Variants in NCBP2L observed in about 807,000 individuals in gnomAD.
The protein encoded by NCBP2L is nuclear cap binding protein subunit 2 like, also known as nuclear cap-binding protein subunit 2-like.
For missense variants in NCBP2L, 95 were observed against 53.1 expected (o/e 1.79, Z -2.45); for synonymous variants, 39 against 19.2 (o/e 2.04, Z -2.70).
rs1452296006 is a variant in NCBP2L at position 107,780,733 on chromosome X, G to A, written c.-73+2875G>A. On this transcript the variant is annotated intron_variant, in intron 1 of 1. Transcript: ENST00000509000. Reference sequence around the variant, plus strand: ...CAACCTCTGCCTCCCGGGTTCGAGCGATTCTTGTGCTTCAGCCTCCCGAGT... The same window carrying A: ...CAACCTCTGCCTCCCGGGTTCGAGCAATTCTTGTGCTTCAGCCTCCCGAGT... 2.8e-5 allele frequency among the ~76,000 whole-genome samples: 3 copies of A among 106,231 alleles called. 1 individual carries two copies. Among genetic ancestry groups the A allele is most frequent in the South Asian group, 4.3e-4 (1 of 2,306 alleles). 92.2% of individuals were successfully genotyped at this position (106,231 alleles called of 115,157 possible). A position where few individuals can be genotyped will look rare whatever the true frequency, so the allele number is the denominator to read the frequency against.
intron 1 of NCBP2L, among the ~76,000 whole-genome samples, chrX:107,787,619 C>T (rs1324783060): frequency 8.9e-6 from 1 of 112,085 alleles, no homozygotes; most frequent in Non-Finnish European, 1.9e-5. Context: ...ACTCTGAGCA[C>T]TAGGCAGTCT....
chrX:107,778,013 T>TGTC (rs200147129), intron 1 of NCBP2L, among the ~76,000 whole-genome samples, 155 bp downstream of exon 1: 1,119 of 93,866 alleles, frequency 0.012, 14 homozygotes, highest in African/African-American at 0.043. Flanking sequence ...TCTTCTTCGC[T>TGTC]TTTTTTTTTT....
chrX:107,785,040 A>AAG (rs1930379700), intron 1 of NCBP2L, among the ~76,000 whole-genome samples: 1 of 103,557 alleles, frequency 9.7e-6, no homozygotes, highest in African/African-American at 3.8e-5. Context: ...AAGGAAGGAA[A>AAG]GAAAGAAAGA....
At chrX:107,783,957 T>C (rs926407711) in intron 1 of NCBP2L, among the ~76,000 whole-genome samples, 1 of 109,116 alleles carries the variant, frequency 9.2e-6, no homozygotes. Flanking sequence ...TGTCATGGAA[T>C]GAAGCACAGA....
At position 107,778,467 on chromosome X, in the gene NCBP2L, A is replaced by G. The variant is rs138083387; in HGVS notation, c.-73+609A>G. Among the ~76,000 whole-genome samples, 1,127 of 112,780 alleles carry G rather than the reference A, an allele frequency of 1.0e-2. 16 individuals carry two copies. The highest frequency in any genetic ancestry group is 0.035 in the African/African-American group (1,083 of 31,019). On this transcript the variant is annotated intron_variant, in intron 1 of 1. Transcript: ENST00000509000. ...AATATAATTGAGATATAAAAAAACTACATAGTTCAGAGATAGAGTTCAGGA... is the reference window on the plus strand; with the variant it reads ...AATATAATTGAGATATAAAAAAACTGCATAGTTCAGAGATAGAGTTCAGGA...
At chrX:107,779,726 C>G (rs1252875307) in intron 1 of NCBP2L, among the ~76,000 whole-genome samples, 1 of 99,600 alleles carries the variant, frequency 1.0e-5, no homozygotes, top group East Asian at 3.2e-4. Context: ...CCGTGCCCAG[C>G]CTATCCCCTG....
rs759600370 is a variant in NCBP2L, at chrX:107,781,690, C to A, written c.-73+3832C>A. 7.4e-3 allele frequency among the ~76,000 whole-genome samples: 552 copies of A among 74,208 alleles called. 4 individuals carry two copies. Among genetic ancestry groups the A allele is most frequent in the South Asian group, 0.018 (30 of 1,693 alleles). 64.4% of individuals were successfully genotyped at this position (74,208 alleles called of 115,157 possible). A position where few individuals can be genotyped will look rare whatever the true frequency, so the allele number is the denominator to read the frequency against. ...TCTATCTATCTATCTCTCTCTCTCTCTCTATATATATATATATATAGATCT... is the reference window on the plus strand; with the variant it reads ...TCTATCTATCTATCTCTCTCTCTCTATCTATATATATATATATATAGATCT... On this transcript the variant is annotated intron_variant, in intron 1 of 1. Coordinates refer to ENST00000509000, the MANE Select transcript of NCBP2L (RefSeq NM_001348372.2).
chrX:107,781,794 ATATT>A (rs1279734862), intron 1 of NCBP2L, among the ~76,000 whole-genome samples: 2 of 98,842 alleles, frequency 2.0e-5, no homozygotes, highest in South Asian at 4.4e-4. Context: ...ATAGATATCT[ATATT>A]TATATATAGA....
intron 1 of NCBP2L, among the ~76,000 whole-genome samples, chrX:107,783,048 A>C (rs1363223850): frequency 9.1e-6 from 1 of 109,814 alleles, no homozygotes; most frequent in Non-Finnish European, 1.9e-5. Context: ...ATAAAAACTC[A>C]TTTTTATCTA....
intron 1 of NCBP2L, among the ~76,000 whole-genome samples, chrX:107,781,692 C>CTCTCTCTCTCTATATATATATATA (rs1395038482): frequency 1.9e-4 from 13 of 66,919 alleles, no homozygotes; most frequent in Non-Finnish European, 2.3e-4. Context: ...CTCTCTCTCT[C>CTCTCTCTCTCTATATATATATATA]TATATATATA....
chrX:107,788,162 A>T (rs1411252408), intron 1 of NCBP2L, among the ~76,000 whole-genome samples: 3 of 111,573 alleles, frequency 2.7e-5, no homozygotes, highest in African/African-American at 9.8e-5. Context: ...GTGTTTACAG[A>T]TCAACTTGGT....
At chrX:107,793,296 A>G (rs925003073) in intron 1 of NCBP2L, among the ~76,000 whole-genome samples, 3 of 111,432 alleles carry the variant, frequency 2.7e-5, no homozygotes, top group Non-Finnish European at 5.7e-5. Flanking sequence ...GTGGGCTGCA[A>G]GAATCTGTAT....
chrX:107,782,236 AATAT>A (rs1277066611), intron 1 of NCBP2L, among the ~76,000 whole-genome samples: 20 of 7,366 alleles, frequency 2.7e-3, no homozygotes, highest in East Asian at 9.2e-3. Flanking sequence ...TATATATATA[AATAT>A]ATATATATAA....
intron 1 of NCBP2L, among the ~76,000 whole-genome samples, chrX:107,792,526 C>T (rs1482932308): frequency 8.9e-6 from 1 of 111,761 alleles, no homozygotes; most frequent in Non-Finnish European, 1.9e-5. Flanking sequence ...TAAATAGGGA[C>T]TCCCATTTTC....
At chrX:107,782,249 A>G (rs1930315497) in intron 1 of NCBP2L, among the ~76,000 whole-genome samples, 1 of 8,649 alleles carries the variant, frequency 1.2e-4, no homozygotes, top group South Asian at 6.7e-3. Flanking sequence ...ATATATATAT[A>G]AATATATATA....
chrX:107,782,709 G>C (rs1043620472), intron 1 of NCBP2L, among the ~76,000 whole-genome samples: 1 of 107,056 alleles, frequency 9.3e-6, no homozygotes, highest in Non-Finnish European at 1.9e-5. Context: ...AGATCATGTA[G>C]TGTTTTTTTT....
chrX:107,779,579 C>A (rs771572654), intron 1 of NCBP2L, among the ~76,000 whole-genome samples: 1 of 110,752 alleles, frequency 9.0e-6, no homozygotes, highest in Non-Finnish European at 1.9e-5. Context: ...CGGGCATGTG[C>A]CACCACACAG....
intron 1 of NCBP2L, among the ~76,000 whole-genome samples, chrX:107,792,355 AAG>A (rs1351543439): frequency 2.7e-5 from 3 of 110,506 alleles, no homozygotes; most frequent in African/African-American, 9.9e-5. Context: ...AAAAAAAAAA[AAG>A]GAAATGAAGT....
At chrX:107,793,874 G>C (rs1490109292) in intron 1 of NCBP2L, among the ~76,000 whole-genome samples, 1 of 112,067 alleles carries the variant, frequency 8.9e-6, no homozygotes, top group Admixed American at 9.5e-5. Context: ...AGAACATGCT[G>C]TTATTAAAAG....
Sources: gnomAD v4.1 joint callset for allele counts (sites outside exome capture counted in the v4.1 genomes callset) on GRCh38, gnomAD v4.1.1 for gene constraint, MANE v1.5 for transcripts, NCBI Gene and HGNC (gene_info 2026-07-23, HGNC 2026-07-21) for gene names.